ADGRL2: variants seen among roughly 807,000 people sequenced by gnomAD.
The protein encoded by ADGRL2 is calcium-independent alpha-latrotoxin receptor 2.
ADGRL2 carries 44 observed loss-of-function variants against 157.4 expected under a neutral mutation model. The observed-to-expected ratio is 0.28, with a 90% CI of 0.22 to 0.36. The LOEUF is 0.36. Ranked by LOEUF, ADGRL2 falls within the 10% of genes least tolerant of loss-of-function variation. ADGRL2 has a pLI of 1.00. For synonymous variants in ADGRL2, 585 were observed against 624.7 expected (o/e 0.94, Z 0.95); for missense variants, 1,510 against 1,768.9 (o/e 0.85, Z 2.63).
Position 81,319,238 on chromosome 1 carries a change from C to T in ADGRL2, c.-302+12729C>T, listed in dbSNP as rs373437229. On this transcript the variant is annotated intron_variant, in intron 1 of 24. Coordinates refer to the ADGRL2 transcript ENST00000370721. ...CTGGGATTACAGGCGTGAGCCACCG[C>T]GCCCAGCTTTATCCTCCATCAATTC... Among the ~76,000 whole-genome samples, 137 of 152,004 alleles carry T rather than the reference C, an allele frequency of 9.0e-4. 2 individuals are homozygous for T. In the South Asian group the frequency reaches 0.024, roughly 27 times the overall value.
rs1557615417 is a variant in ADGRL2, at chr1:81,746,949, T to TATAC, written c.-142-14862_-142-14861insATAC. Among the ~76,000 whole-genome samples, 8 of 144,094 alleles carry TATAC rather than the reference T, an allele frequency of 5.6e-5. No homozygotes were observed. In the East Asian group the frequency reaches 1.6e-3, roughly 29 times the overall value. 94.5% of individuals were successfully genotyped at this position (144,094 alleles called of 152,430 possible). Reference sequence around the variant, plus strand: ...GTATATACACACGTATACACATGTATGTATATACGTATATACACACGTATA... The same window carrying TATAC: ...GTATATACACACGTATACACATGTATATACGTATATACGTATATACACACGTATA... On this transcript the variant is annotated intron_variant, in intron 1 of 20. Transcript: ENST00000359929.
chr1:81,348,745 A>T (rs1232289644), intron 1 of ADGRL2, among the ~76,000 whole-genome samples: 4 of 152,194 alleles, frequency 2.6e-5, no homozygotes. Flanking sequence ...AATCAGGATG[A>T]TATAAAATAT....
intron 1 of ADGRL2, among the ~76,000 whole-genome samples, chr1:81,428,542 G>T (rs550838079): frequency 6.6e-6 from 1 of 152,212 alleles, no homozygotes; most frequent in Admixed American, 6.5e-5. Flanking sequence ...CTCAAACAAG[G>T]GTCAGATGGT....
intron 3 of ADGRL2, among the ~76,000 whole-genome samples, chr1:81,625,122 C>T (rs1225201726): frequency 6.6e-6 from 1 of 152,048 alleles, no homozygotes; most frequent in African/African-American, 2.4e-5. Flanking sequence ...ATAAAGAAAC[C>T]AAGACTCGGG....
Position 81,690,210 on chromosome 1 carries a change from G to A in ADGRL2, c.-142-71601G>A, listed in dbSNP as rs544697047. On this transcript the variant is annotated intron_variant, in intron 3 of 24. Transcript: ENST00000370721. Reference sequence around the variant, plus strand: ...AGCCATATTCAGAATGTAAAATTTAGGGCCAGGCATAGTGGCTCACACCTG... The same window carrying A: ...AGCCATATTCAGAATGTAAAATTTAAGGCCAGGCATAGTGGCTCACACCTG... Among the ~76,000 whole-genome samples, 3 of 152,230 alleles carry A rather than the reference G, an allele frequency of 2.0e-5. No individual in the cohort carries two copies. The South Asian group carries it at 6.2e-4, about 32-fold the overall frequency.
chr1:81,524,372 T>C (rs907081355), intron 2 of ADGRL2, among the ~76,000 whole-genome samples: 1 of 151,830 alleles, frequency 6.6e-6, no homozygotes, highest in Non-Finnish European at 1.5e-5. Context: ...TCTCAAAAAA[T>C]AAATAAATAA....
chr1:81,323,621 A>T (rs1012599185), intron 1 of ADGRL2, among the ~76,000 whole-genome samples: 1 of 152,118 alleles, frequency 6.6e-6, no homozygotes, highest in African/African-American at 2.4e-5. Flanking sequence ...ACTTTAAATA[A>T]TCACACAAAG....
chr1:81,529,410 A>G (rs920420278), intron 2 of ADGRL2, among the ~76,000 whole-genome samples: 3 of 152,232 alleles, frequency 2.0e-5, no homozygotes, highest in Admixed American at 2.0e-4. Context: ...AAGAATAAGC[A>G]GCATGTTTCA....
At chr1:81,769,863 C>CT (rs964782418) in intron 2 of ADGRL2, among the ~76,000 whole-genome samples, 56 of 148,696 alleles carry the variant, frequency 3.8e-4, no homozygotes, top group East Asian at 3.5e-3. Context: ...TTTTCCTTTT[C>CT]TTTTTTTTTT....
intron 3 of ADGRL2, among the ~76,000 whole-genome samples, chr1:81,582,382 T>C (rs921255166): frequency 2.6e-5 from 4 of 152,162 alleles, no homozygotes; most frequent in African/African-American, 9.7e-5. Context: ...GCATGGCTTC[T>C]GTGTATTGCA....
chr1:81,562,150 T>C (rs1414596459), intron 2 of ADGRL2, among the ~76,000 whole-genome samples: 3 of 152,082 alleles, frequency 2.0e-5, no homozygotes, highest in African/African-American at 7.2e-5. Flanking sequence ...TTATAAATAA[T>C]AAATAGAAGA....
chr1:81,858,070 C>G (rs1324941974), intron 2 of ADGRL2, among the ~76,000 whole-genome samples: 5 of 151,932 alleles, frequency 3.3e-5, no homozygotes, highest in Admixed American at 3.3e-4. Flanking sequence ...TACATTTGGA[C>G]CAGTGGAGAT....
chr1:81,529,459 A>G (rs2079548783), intron 2 of ADGRL2, among the ~76,000 whole-genome samples: 1 of 152,222 alleles, frequency 6.6e-6, no homozygotes, highest in Non-Finnish European at 1.5e-5. Context: ...TAATTGTGTT[A>G]TCTGTTGCCA....
intron 1 of ADGRL2, among the ~76,000 whole-genome samples, chr1:81,424,181 A>G (rs554515410): frequency 4.6e-5 from 7 of 152,326 alleles, no homozygotes; most frequent in African/African-American, 1.7e-4. Context: ...CTCCAATGTC[A>G]GAGAGCATCC....
At chr1:81,819,145 A>G (rs971166815) in intron 1 of ADGRL2, among the ~76,000 whole-genome samples, 2 of 152,128 alleles carry the variant, frequency 1.3e-5, no homozygotes, top group African/African-American at 4.8e-5. Context: ...AGAGTGGGGA[A>G]CTAATGAAAG....
chr1:81,784,943 G>T (rs185796803), intron 2 of ADGRL2, among the ~76,000 whole-genome samples: 29 of 152,150 alleles, frequency 1.9e-4, no homozygotes, highest in African/African-American at 6.5e-4. Context: ...AAGTAAAAAG[G>T]GAGAGAAGAC....
chr1:81,722,936 G>C, intron 1 of ADGRL2: 1 of 752,672 alleles, frequency 1.3e-6, no homozygotes, highest in Non-Finnish European at 2.4e-6. Flanking sequence ...GGTTCTTGCA[G>C]ACATGCAGGA....
intron 2 of ADGRL2, among the ~76,000 whole-genome samples, chr1:81,905,403 G>C (rs1241748259): frequency 6.6e-6 from 1 of 152,080 alleles, no homozygotes; most frequent in African/African-American, 2.4e-5. Flanking sequence ...AGACCTTACT[G>C]TACTTTTCTG....
chr1:81,931,820 G>A (rs536175553), intron 3 of ADGRL2, among the ~76,000 whole-genome samples: 24 of 152,134 alleles, frequency 1.6e-4, no homozygotes, highest in African/African-American at 5.8e-4. Context: ...TTTTTGTAGA[G>A]ATGGGGTTTT....
Sources: gnomAD v4.1 joint callset for allele counts (sites outside exome capture counted in the v4.1 genomes callset) on GRCh38, gnomAD v4.1.1 for gene constraint, MANE v1.5 for transcripts, NCBI Gene and HGNC (gene_info 2026-07-23, HGNC 2026-07-21) for gene names.